The following CFAP46 variants were observed in gnomAD, a reference collection of about 807,000 sequenced individuals.
CFAP46 encodes the protein cilia and flagella associated protein 46.
In CFAP46, 245 loss-of-function variants were observed where a neutral mutation model predicts 325.7. The observed-to-expected ratio is 0.75, with a 90% CI of 0.68 to 0.84. CFAP46 has a LOEUF of 0.84. Ranked by LOEUF, CFAP46 falls within the 40% of genes least tolerant of loss-of-function variation. The probability of loss-of-function intolerance (pLI) is 0.00; values close to 1 mark genes in which losing one functional copy is unlikely to be tolerated. For synonymous variants in CFAP46, 1,523 were observed against 1,495.9 expected (o/e 1.02, Z -0.42); for missense variants, 3,346 against 3,543.0 (o/e 0.94, Z 1.41).
At chr10:132,898,692 C>T (rs748884477) in intron 24 of CFAP46, 18 of 541,644 alleles carry the variant, frequency 3.3e-5, no homozygotes, top group Admixed American at 5.7e-5. Context: ...TCACTCTACC[C>T]GCTGCTGTGT....
At chr10:132,937,967 G>A (rs986579711) in intron 5 of CFAP46, among the ~76,000 whole-genome samples, 2 of 152,222 alleles carry the variant, frequency 1.3e-5, no homozygotes, top group African/African-American at 4.8e-5. Flanking sequence ...TGCAGGCTGT[G>A]GGCTTGGTGC....
intron 29 of CFAP46, among the ~76,000 whole-genome samples, chr10:132,878,366 C>T (rs571598039): frequency 0.011 from 1,621 of 152,306 alleles, 22 homozygotes; most frequent in Non-Finnish European, 0.013. Context: ...AGGGACACAG[C>T]GGGACACCCC....
chr10:132,857,660 A>G lies in CFAP46; in HGVS notation c.5504T>C (p.Leu1835Pro). Residue 1835 changes from leucine (L) to proline (P), a missense_variant, in exon 39 of 58, where the codon CTG (leucine) becomes CCG (proline). Physicochemically the swap from Leu to Pro is moderately conservative, Grantham distance 98 (BLOSUM62 -3). Coordinates refer to ENST00000368586, the MANE Select transcript of CFAP46 (RefSeq NM_001200049.3). ...RLHSIQGLYG[L>P]AQGAMAEEEG... ...TTCCTCAGCCATGGCGCCCTGGGCC[A>G]GGCCATATAAGCCCTGGATGCTGTG... The G allele has an allele frequency of 6.2e-7, 1 of 1,613,252 alleles. No homozygotes were observed. The highest frequency in any genetic ancestry group is 8.5e-7 in the Non-Finnish European group (1 of 1,179,650).
At position 132,939,528 on chromosome 10, in the gene CFAP46, C is replaced by G. The variant is rs543237527; in HGVS notation, c.372-775G>C. Among the ~76,000 whole-genome samples, 3 of 152,300 alleles carry G rather than the reference C, an allele frequency of 2.0e-5. No individual in the cohort carries two copies. Among genetic ancestry groups the G allele is most frequent in the African/African-American group, 7.2e-5 (3 of 41,566 alleles). ...GGTCCTGGGCCGGCCACCAGGTGGA[C>G]CAGCACTGCTCAATGCCCAGGTGGG... On this transcript the variant is annotated intron_variant, in intron 4 of 57. Transcript: ENST00000368586. The surrounding 1 kb of genome is among the most constrained non-coding windows in gnomAD (Gnocchi z 4.6).
Position 132,808,619 on chromosome 10 carries a change from G to T in CFAP46, c.7950C>A (p.Asp2650Glu). 1 of 1,610,854 alleles carries T rather than the reference G, an allele frequency of 6.2e-7. No individual in the cohort carries two copies. The highest frequency in any genetic ancestry group is 2.2e-5 in the East Asian group (1 of 44,822). ...SPALGAASAR[D>E]PPPATSRKAA... ...CCTTGCGGGAAGTCGCTGGGGGAGG[G>T]TCCCTGGCTGAGGCTGCACCAAGGG... The change falls in exon 58 of 58, where the codon GAC becomes GAA. Residue 2650 changes from aspartate to glutamate, a missense_variant. Transcript: ENST00000368586. The surrounding 1 kb of genome is among the most constrained non-coding windows in gnomAD (Gnocchi z 6.8).
At chr10:132,861,061 AG>A (rs1848714890) in intron 35 of CFAP46, 79 bp from the exon 36 acceptor site, 1 of 1,347,986 alleles carries the variant, frequency 7.4e-7, no homozygotes, top group Non-Finnish European at 1.0e-6. Context: ...GGCAGAGAGA[AG>A]GAAGAGGGAG....
In CFAP46 at chr10:132,912,645, G is replaced by A; in HGVS notation, c.2499+10C>T. On this transcript the variant is annotated intron_variant, in intron 19 of 57. Transcript: ENST00000368586. ...TCTCTCTCTCTCTCTCGGCATCATG[G>A]AGGTGGTACCTCCACCGCTGTTTTG... 1 of 1,510,488 alleles carries A rather than the reference G, an allele frequency of 6.6e-7. No individual in the cohort carries two copies. Among genetic ancestry groups the A allele is most frequent in the Non-Finnish European group, 8.9e-7 (1 of 1,124,058 alleles). 93.6% of individuals were successfully genotyped at this position (1,510,488 alleles called of 1,614,324 possible).
intron 39 of CFAP46, among the ~76,000 whole-genome samples, chr10:132,853,303 T>A (rs1348789887): frequency 1.3e-5 from 2 of 152,230 alleles, no homozygotes; most frequent in African/African-American, 4.8e-5. Context: ...TCCACAAAGA[T>A]GATCATATGG....
At chr10:132,870,099 GT>G (rs1182880520) in intron 32 of CFAP46, among the ~76,000 whole-genome samples, 1 of 152,146 alleles carries the variant, frequency 6.6e-6, no homozygotes, top group African/African-American at 2.4e-5. Context: ...TATTATGATT[GT>G]GTTATGGTGA....
intron 50 of CFAP46, among the ~76,000 whole-genome samples, chr10:132,821,557 G>C (rs558203593): frequency 4.8e-4 from 65 of 134,736 alleles, no homozygotes; most frequent in Admixed American, 1.3e-3. Context: ...GTGTGCTGAC[G>C]TGTGCTGTGT....
chr10:132,921,830 T>C (rs1456832258), intron 13 of CFAP46, among the ~76,000 whole-genome samples: 13 of 152,216 alleles, frequency 8.5e-5, no homozygotes, highest in Non-Finnish European at 5.9e-5. Context: ...AGCCTGGGGC[T>C]GGGAGGAGTA....
At chr10:132,881,169 C>A (rs1849037434) in intron 27 of CFAP46, 137 bp from the exon 28 acceptor site, 3 of 821,574 alleles carry the variant, frequency 3.7e-6, no homozygotes, top group Non-Finnish European at 5.7e-6. Flanking sequence ...TGCAGGCCGC[C>A]TCTAATGAGA....
At chr10:132,895,455 G>A (rs1849305699) in intron 24 of CFAP46, among the ~76,000 whole-genome samples, 1 of 152,176 alleles carries the variant, frequency 6.6e-6, no homozygotes, top group South Asian at 2.1e-4. Context: ...CAGAGCTACT[G>A]GACAACAACA....
intron 26 of CFAP46, 40 bp downstream of exon 26, chr10:132,885,781 G>A (rs540635335): frequency 1.3e-4 from 178 of 1,423,440 alleles, no homozygotes; most frequent in Middle Eastern, 4.7e-4. Context: ...GCACTCAGGC[G>A]GTGGAGGGAG....
At chr10:132,821,783 CTGA>C (rs1338982179) in intron 50 of CFAP46, among the ~76,000 whole-genome samples, 4 of 120,554 alleles carry the variant, frequency 3.3e-5, no homozygotes, top group Non-Finnish European at 3.3e-5. Flanking sequence ...TGTGTGAGTG[CTGA>C]TGTGTGCTGT....
Position 132,929,777 on chromosome 10 carries a change from A to G in CFAP46, c.894T>C (p.Arg298=). ...CCATGCATTTCAAGGTCAAGGAAAA[A>G]CGCGCCAATTCAAAAAGCAAAAGCA... ...EKMLLLFELA[R]FSLTLKCMEI... is the part of the protein sequence containing the mutation. Residue 298 remains arginine (R), a synonymous_variant, in exon 9 of 58, where the codon CGT becomes CGC. Transcript: ENST00000368586. 1.9e-6 allele frequency: 3 copies of G among 1,609,984 alleles called. No homozygotes were observed. Among genetic ancestry groups the G allele is most frequent in the Non-Finnish European group, 2.5e-6 (3 of 1,176,926 alleles).
At chr10:132,875,011 T>TC (rs1848940274) in intron 31 of CFAP46, among the ~76,000 whole-genome samples, 1 of 152,022 alleles carries the variant, frequency 6.6e-6, no homozygotes, top group Non-Finnish European at 1.5e-5. Flanking sequence ...ACACACAAAA[T>TC]CCAAAATAAT....
intron 53 of CFAP46, 28 bp downstream of exon 53, chr10:132,814,549 T>C (rs1309843314): frequency 9.7e-6 from 15 of 1,552,912 alleles, no homozygotes; most frequent in Non-Finnish European, 1.3e-5. Context: ...GGCGTGTGCC[T>C]GAACAGGGAG....
intron 39 of CFAP46, among the ~76,000 whole-genome samples, chr10:132,851,912 T>G (rs113627107): frequency 2.2e-3 from 322 of 146,042 alleles, no homozygotes; most frequent in South Asian, 0.012. Flanking sequence ...TGTTCCTCCA[T>G]TTACTTAGGA....
Sources: allele counts gnomAD v4.1 joint callset (sites outside exome capture counted in the v4.1 genomes callset), GRCh38; gene constraint gnomAD v4.1.1; non-coding constraint Gnocchi (gnomAD v3.1); transcripts MANE v1.5; gene names NCBI Gene and HGNC (gene_info 2026-07-23, HGNC 2026-07-21).